Variants in PGGT1B observed in about 807,000 individuals in gnomAD.
PGGT1B encodes geranylgeranyl transferase type-1 subunit beta.
A neutral mutation model predicts 46.1 loss-of-function variants in PGGT1B; 30 were observed. The ratio of observed to expected loss-of-function variants is 0.65; its 90% CI spans 0.49 to 0.88. PGGT1B has a LOEUF of 0.88. Among genes scored for constraint, PGGT1B ranks in the 40% least tolerant of loss-of-function variants. PGGT1B has a pLI of 0.00. For missense variants in PGGT1B, 376 were observed against 455.9 expected (o/e 0.82, Z 1.60); for synonymous variants, 170 against 160.0 (o/e 1.06, Z -0.47).
At chr5:115,220,994 T>A (rs1756571989) in intron 7 of PGGT1B, among the ~76,000 whole-genome samples, 1 of 151,986 alleles carries the variant, frequency 6.6e-6, no homozygotes, top group African/African-American at 2.4e-5. Context: ...CTTTTGAATA[T>A]GCTTGAAATT....
chr5:115,227,891 A>G (rs760926306), intron 6 of PGGT1B, among the ~76,000 whole-genome samples: 1 of 152,174 alleles, frequency 6.6e-6, no homozygotes, highest in Non-Finnish European at 1.5e-5. Context: ...TAATAAATAC[A>G]TTATTTTCCT....
intron 2 of PGGT1B, among the ~76,000 whole-genome samples, chr5:115,248,604 G>A (rs1747955871): frequency 6.6e-6 from 1 of 152,152 alleles, no homozygotes; most frequent in Non-Finnish European, 1.5e-5. Flanking sequence ...GAAACCACTA[G>A]GGTCTTTATA....
intron 7 of PGGT1B, among the ~76,000 whole-genome samples, chr5:115,220,989 G>C (rs1348649064): frequency 6.6e-6 from 1 of 151,928 alleles, no homozygotes; most frequent in East Asian, 1.9e-4. Context: ...CTTTGCTTTT[G>C]AATATGCTTG....
intron 2 of PGGT1B, among the ~76,000 whole-genome samples, chr5:115,247,945 TG>T (rs1481553008): frequency 6.6e-6 from 1 of 152,220 alleles, no homozygotes; most frequent in Non-Finnish European, 1.5e-5. Flanking sequence ...CAAAATGTCT[TG>T]ATCTATAATA....
Position 115,262,870 on chromosome 5 carries a change from T to A in PGGT1B, c.-19A>T. 1 of 1,611,030 alleles carries A rather than the reference T, an allele frequency of 6.2e-7. No individual in the cohort carries two copies. Among genetic ancestry groups the A allele is most frequent in the Non-Finnish European group, 8.5e-7 (1 of 1,179,322 alleles). ...CCGCCATGCTGCTCCGGAAGCGACG[T>A]CCGCCGCGACCCGGAATCAGTGCCC... On this transcript the variant is annotated 5_prime_UTR_variant, in exon 1 of 9. Transcript: ENST00000419445.
chr5:115,225,129 T>C (rs1057111868), intron 6 of PGGT1B, among the ~76,000 whole-genome samples: 2 of 152,216 alleles, frequency 1.3e-5, no homozygotes, highest in South Asian at 2.1e-4. Context: ...GTGCTCATTA[T>C]GCCTTAGTTG....
chr5:115,219,534 T>C (rs1756524124), intron 7 of PGGT1B, among the ~76,000 whole-genome samples: 1 of 151,818 alleles, frequency 6.6e-6, no homozygotes, highest in Non-Finnish European at 1.5e-5. Context: ...CGACCGTGGA[T>C]TCAGCAATAA....
chr5:115,217,085 G>A, intron 7 of PGGT1B, 112 bp from the exon 8 acceptor site: 2 of 634,388 alleles, frequency 3.2e-6, no homozygotes, highest in Non-Finnish European at 5.7e-6. Context: ...AAGGTGCTCA[G>A]ACCAAGTCTC....
chr5:115,245,680 G>T (rs1176533309), intron 2 of PGGT1B, among the ~76,000 whole-genome samples: 1 of 152,104 alleles, frequency 6.6e-6, no homozygotes, highest in Non-Finnish European at 1.5e-5. Context: ...AATAGCTTTT[G>T]TTGCAATTTA....
intron 5 of PGGT1B, among the ~76,000 whole-genome samples, chr5:115,234,940 A>G (rs1377289501): frequency 1.3e-5 from 2 of 152,080 alleles, no homozygotes; most frequent in African/African-American, 4.8e-5. Context: ...AAGGCCTAGA[A>G]GTAATGACAT....
chr5:115,237,770 C>T (rs1757226151), intron 4 of PGGT1B, 88 bp downstream of exon 4: 2 of 1,093,972 alleles, frequency 1.8e-6, no homozygotes, highest in Non-Finnish European at 1.3e-6. Context: ...GTATGATCCT[C>T]TAAAGATCTA....
At chr5:115,217,003 T>C (rs1484301726) in intron 7 of PGGT1B, 30 bp from the exon 8 acceptor site, 1 of 993,186 alleles carries the variant, frequency 1.0e-6, no homozygotes, top group Non-Finnish European at 1.6e-6. Flanking sequence ...AAAAATTTAC[T>C]GACATAAAAC....
intron 7 of PGGT1B, among the ~76,000 whole-genome samples, chr5:115,217,682 C>T (rs956080035): frequency 1.3e-4 from 20 of 151,830 alleles, no homozygotes; most frequent in Admixed American, 3.3e-4. Context: ...CAGAGAGAGC[C>T]ACAGCTTTTA....
chr5:115,217,284 G>C (rs1756449746), intron 7 of PGGT1B, among the ~76,000 whole-genome samples: 1 of 151,636 alleles, frequency 6.6e-6, no homozygotes, highest in Admixed American at 6.6e-5. Flanking sequence ...ATTTTAAAAA[G>C]TACAATTTTA....
intron 6 of PGGT1B, among the ~76,000 whole-genome samples, chr5:115,228,329 T>C (rs1756859385): frequency 6.6e-6 from 1 of 152,202 alleles, no homozygotes; most frequent in Non-Finnish European, 1.5e-5. Flanking sequence ...CATCAGTTTG[T>C]AACATAGGCA....
intron 4 of PGGT1B, among the ~76,000 whole-genome samples, chr5:115,237,384 T>G (rs559110071): frequency 6.6e-6 from 1 of 152,284 alleles, no homozygotes; most frequent in South Asian, 2.1e-4. Flanking sequence ...ACACACTATG[T>G]GAATCACCAA....
In PGGT1B at chr5:115,253,380, G is replaced by A. The variant is rs1748185242; in HGVS notation, c.141-125C>T. The A allele has an allele frequency of 9.2e-6, 6 of 653,810 alleles. No homozygotes were observed. In the Admixed American group the frequency reaches 1.8e-4, roughly 20 times the overall value. 40.5% of individuals were successfully genotyped at this position (653,810 alleles called of 1,614,324 possible). On this transcript the variant is annotated intron_variant, in intron 1 of 8. Transcript: ENST00000419445. ...ATAATTTAAACAATACTTCCACCTT[G>A]CAAAAGCAAAAAATATATATATACA...
chr5:115,248,127 T>C (rs1419632739), intron 2 of PGGT1B, among the ~76,000 whole-genome samples: 1 of 152,188 alleles, frequency 6.6e-6, no homozygotes, highest in East Asian at 1.9e-4. Flanking sequence ...AATCTTCTTA[T>C]CTATGTTTCC....
chr5:115,234,280 C>G (rs552892717), intron 5 of PGGT1B, among the ~76,000 whole-genome samples: 1 of 150,288 alleles, frequency 6.7e-6, no homozygotes, highest in Non-Finnish European at 1.5e-5. Flanking sequence ...ATATCCATAT[C>G]TTCTCATCAA....
Sources: gnomAD v4.1 joint callset for allele counts (sites outside exome capture counted in the v4.1 genomes callset) on GRCh38, gnomAD v4.1.1 for gene constraint, MANE v1.5 for transcripts, NCBI Gene and HGNC (gene_info 2026-07-23, HGNC 2026-07-21) for gene names.